The following TGFBR3 variants were observed in gnomAD, a reference collection of about 807,000 sequenced individuals.
The protein encoded by TGFBR3 is transforming growth factor beta receptor 3.
Under a neutral mutation model 87.9 loss-of-function variants are expected in TGFBR3, and 46 were observed. The observed-to-expected ratio is 0.52, with a 90% CI of 0.41 to 0.67. TGFBR3 has a LOEUF of 0.67. TGFBR3 is among the 30% of genes least tolerant of loss of function. TGFBR3 has a pLI of 0.00. For synonymous variants in TGFBR3, 381 were observed against 391.6 expected (o/e 0.97, Z 0.32); for missense variants, 866 against 1,041.9 (o/e 0.83, Z 2.32).
intron 1 of TGFBR3, among the ~76,000 whole-genome samples, chr1:91,862,657 G>GA (rs1678245600): frequency 6.6e-6 from 1 of 152,154 alleles, no homozygotes; most frequent in Admixed American, 6.5e-5. Flanking sequence ...TATTTCTCCA[G>GA]CCCTCTATCC....
intron 2 of TGFBR3, among the ~76,000 whole-genome samples, chr1:91,853,113 C>T (rs370364993): frequency 1.3e-5 from 2 of 151,470 alleles, no homozygotes; most frequent in East Asian, 1.9e-4. Flanking sequence ...GAGCCATGAT[C>T]GCGCCACTGC....
At chr1:91,863,750 G>C (rs1355730476) in intron 1 of TGFBR3, 1 of 152,186 alleles carries the variant, frequency 6.6e-6, no homozygotes, top group Non-Finnish European at 1.5e-5. Context: ...TGAGGCATAA[G>C]TCATCAATGA....
At chr1:91,683,925 A>T in intron 16 of TGFBR3, 68 bp from the exon 17 acceptor site, 1 of 1,409,554 alleles carries the variant, frequency 7.1e-7, no homozygotes, top group Non-Finnish European at 9.8e-7. Context: ...TCCTGAAAAG[A>T]TCATTTATTC....
intron 2 of TGFBR3, among the ~76,000 whole-genome samples, chr1:91,843,323 T>C (rs534627780): frequency 1.5e-3 from 225 of 152,328 alleles, no homozygotes; most frequent in African/African-American, 5.2e-3. Flanking sequence ...CTCTCTAGTT[T>C]GTCTTTTTGA....
chr1:91,895,268 C>T (rs188439432), intron 2 of TGFBR3, among the ~76,000 whole-genome samples: 149 of 152,122 alleles, frequency 9.8e-4, no homozygotes, highest in African/African-American at 9.2e-4. Context: ...TGAGTTCTTG[C>T]GAGATCTAAT....
intron 1 of TGFBR3, among the ~76,000 whole-genome samples, chr1:91,882,669 T>C (rs569368689): frequency 1.2e-4 from 19 of 152,136 alleles, no homozygotes; most frequent in Admixed American, 1.2e-3. Flanking sequence ...GGCGTGAACC[T>C]GGGAGGTGGA....
At chr1:91,769,643 T>C (rs1205514854) in intron 3 of TGFBR3, among the ~76,000 whole-genome samples, 2 of 152,078 alleles carry the variant, frequency 1.3e-5, no homozygotes, top group Admixed American at 6.5e-5. Context: ...TTTGTTTTTT[T>C]TGTTTTTTTT....
intron 2 of TGFBR3, among the ~76,000 whole-genome samples, chr1:91,801,518 G>A (rs1051493652): frequency 1.3e-5 from 2 of 151,970 alleles, no homozygotes; most frequent in Non-Finnish European, 2.9e-5. Context: ...AAATAAAAAA[G>A]TGGTCATAGA....
rs115117557 is a variant in TGFBR3 at position 91,732,013 on chromosome 1, G to A, written c.569-2040C>T. 7.5e-3 allele frequency among the ~76,000 whole-genome samples: 1,135 copies of A among 152,268 alleles called. 14 individuals carry two copies. The highest frequency in any genetic ancestry group is 0.025 in the African/African-American group (1,059 of 41,540). On this transcript the variant is annotated intron_variant, in intron 5 of 16. Transcript: ENST00000212355. ...CAAAACTTATACCGAGTGCCAAGTA[G>A]AAAGGAAACCACAAAGGGGAATTCC...
chr1:91,790,394 A>G (rs193294193), intron 3 of TGFBR3, among the ~76,000 whole-genome samples: 1 of 152,318 alleles, frequency 6.6e-6, no homozygotes, highest in Admixed American at 6.5e-5. Context: ...TACCTACACT[A>G]TGATGTTTGC....
intron 2 of TGFBR3, among the ~76,000 whole-genome samples, chr1:91,825,106 T>C (rs1424008671): frequency 6.6e-6 from 1 of 152,230 alleles, no homozygotes; most frequent in Admixed American, 6.5e-5. Flanking sequence ...AAGGATGTGC[T>C]TGACTCTGGC....
At chr1:91,736,233 A>T (rs1672964002) in intron 4 of TGFBR3, among the ~76,000 whole-genome samples, 2 of 151,910 alleles carry the variant, frequency 1.3e-5, no homozygotes, top group African/African-American at 4.8e-5. Context: ...GGCCACACAG[A>T]TGGTACAGAG....
Position 91,732,849 on chromosome 1 carries a change from AG to A in TGFBR3, c.568+1926del, listed in dbSNP as rs1672824911. 2.0e-5 allele frequency among the ~76,000 whole-genome samples: 3 copies of A among 152,286 alleles called. No homozygotes were observed. In the South Asian group the frequency reaches 6.2e-4, roughly 32 times the overall value. ...AGTTAAGTGACAACCCGTGGCTCTC[AG>A]GGTAAGTGACTACTGTGCTTAGAAA... is the stretch of plus-strand genomic sequence containing the variant. On this transcript the variant is annotated intron_variant, in intron 5 of 16. Coordinates refer to ENST00000212355, the MANE Select transcript of TGFBR3 (RefSeq NM_003243.5).
chr1:91,715,506 A>G (rs1244167977), intron 12 of TGFBR3, among the ~76,000 whole-genome samples: 1 of 152,232 alleles, frequency 6.6e-6, no homozygotes. Flanking sequence ...CTAAAGAGTT[A>G]ACTAACTGCT....
At position 91,680,987 on chromosome 1, in the gene TGFBR3, C is replaced by CAATCT. The variant is rs762695050; in HGVS notation, c.*2747_*2751dup. 1 of 454,090 alleles carries CAATCT rather than the reference C, an allele frequency of 2.2e-6. No homozygotes were observed. The highest frequency in any genetic ancestry group is 1.6e-5 in the South Asian group (1 of 64,474). The allele number at this position is 454,090 out of a possible 1,614,324, so 28.1% of individuals were successfully genotyped here. Reference sequence around the variant, plus strand: ...GAAAAGCTATAGCGTATTATACAGACAATCTGCCTTGGAGTTTGGGGCATT... The same window carrying CAATCT: ...GAAAAGCTATAGCGTATTATACAGACAATCTAATCTGCCTTGGAGTTTGGGGCATT... On this transcript the variant is annotated 3_prime_UTR_variant, in exon 17 of 17. Coordinates refer to ENST00000212355, the MANE Select transcript of TGFBR3 (RefSeq NM_003243.5).
chr1:91,758,343 G>A (rs1673822623), intron 4 of TGFBR3, among the ~76,000 whole-genome samples: 1 of 152,192 alleles, frequency 6.6e-6, no homozygotes, highest in African/African-American at 2.4e-5. Flanking sequence ...CCAAAGCTCA[G>A]GCCACACAGA....
At position 91,680,462 on chromosome 1, in the gene TGFBR3, T is replaced by C. The variant is rs896402675; in HGVS notation, c.*3277A>G. ...CTGACACACTGAACAGAGAAAAGAA[T>C]ACAACAGGGGTGTTCAAACTGGCCA... is the stretch of plus-strand genomic sequence containing the variant. On this transcript the variant is annotated 3_prime_UTR_variant, in exon 17 of 17. Coordinates refer to ENST00000212355, the MANE Select transcript of TGFBR3 (RefSeq NM_003243.5). The C allele has an allele frequency of 6.6e-6, 3 of 453,914 alleles. No individual in the cohort carries two copies. Among genetic ancestry groups the C allele is most frequent in the African/African-American group, 6.0e-5 (3 of 49,994 alleles). 28.1% of individuals were successfully genotyped at this position (453,914 alleles called of 1,614,324 possible).
At chr1:91,719,835 T>C in intron 9 of TGFBR3, 58 bp downstream of exon 9, 1 of 1,578,878 alleles carries the variant, frequency 6.3e-7, no homozygotes, top group Non-Finnish European at 8.7e-7. Context: ...AGATGCAGAC[T>C]AGGGCCAGAT....
At chr1:91,709,565 T>G (rs898526429) in intron 13 of TGFBR3, among the ~76,000 whole-genome samples, 1 of 152,172 alleles carries the variant, frequency 6.6e-6, no homozygotes, top group African/African-American at 2.4e-5. Context: ...CTTTCCAGGG[T>G]CATCTGCTTT....
Sources: allele counts gnomAD v4.1 joint callset (sites outside exome capture counted in the v4.1 genomes callset), GRCh38; gene constraint gnomAD v4.1.1; transcripts MANE v1.5; gene names NCBI Gene and HGNC (gene_info 2026-07-23, HGNC 2026-07-21).